DYM: variants seen among roughly 807,000 people sequenced by gnomAD.
The protein encoded by DYM is dymeclin.
In DYM, 78 loss-of-function variants were observed where a neutral mutation model predicts 93.1. That is an observed-to-expected ratio of 0.84 (90% confidence interval 0.70 to 1.01). The LOEUF (loss-of-function observed/expected upper bound fraction) is 1.01, where lower values mean the gene tolerates loss of function less well. Among genes scored for constraint, DYM ranks in the 50% least tolerant of loss-of-function variants. DYM has a pLI of 0.00. For missense variants in DYM, 789 were observed against 845.0 expected (o/e 0.93, Z 0.82); for synonymous variants, 321 against 319.7 (o/e 1.00, Z -0.04).
intron 6 of DYM, among the ~76,000 whole-genome samples, chr18:49,340,002 G>A (rs1191724909): frequency 2.0e-5 from 3 of 152,110 alleles, no homozygotes; most frequent in East Asian, 3.9e-4. Flanking sequence ...CCAGGCTGGA[G>A]TGCAGTGGCG....
chr18:49,286,851 A>G (rs536557847), intron 8 of DYM, among the ~76,000 whole-genome samples: 128 of 152,316 alleles, frequency 8.4e-4, no homozygotes, highest in Non-Finnish European at 1.6e-3. Context: ...TAGGTAACCT[A>G]AATTTTGTAA....
At chr18:49,422,859 T>C (rs1023123516) in intron 2 of DYM, among the ~76,000 whole-genome samples, 19 of 152,176 alleles carry the variant, frequency 1.2e-4, no homozygotes, top group African/African-American at 3.6e-4. Context: ...ATCCTAAATA[T>C]ATATGCACCC....
At chr18:49,344,131 G>C (rs574672066) in intron 6 of DYM, among the ~76,000 whole-genome samples, 3 of 152,098 alleles carry the variant, frequency 2.0e-5, no homozygotes, top group Non-Finnish European at 4.4e-5. Context: ...TCAAAAGTCA[G>C]TTTAAAAATA....
At chr18:49,374,957 C>CAAAAAAAAA (rs11445191) in intron 5 of DYM, among the ~76,000 whole-genome samples, 1 of 146,134 alleles carries the variant, frequency 6.8e-6, no homozygotes. Context: ...GAAACTGTCT[C>CAAAAAAAAA]AAAAAAAAAA....
At chr18:49,194,751 T>A (rs2032251) in intron 14 of DYM, among the ~76,000 whole-genome samples, 55,906 of 151,700 alleles carry the variant, frequency 0.37, 12,294 homozygotes, top group Middle Eastern at 0.59. Context: ...CACAAAAAAA[T>A]ATTTTAAAAA....
intron 1 of DYM, among the ~76,000 whole-genome samples, chr18:49,439,228 C>A (rs1160907727): frequency 6.6e-6 from 1 of 152,134 alleles, no homozygotes; most frequent in Non-Finnish European, 1.5e-5. Context: ...TTGTTGGTAA[C>A]AATGATCCTT....
intron 15 of DYM, among the ~76,000 whole-genome samples, chr18:49,148,695 T>G (rs1359482705): frequency 1.3e-5 from 2 of 152,172 alleles, no homozygotes; most frequent in Non-Finnish European, 2.9e-5. Context: ...ATCCAAAACT[T>G]TTCTGGATCA....
intron 16 of DYM, among the ~76,000 whole-genome samples, chr18:49,107,102 T>C (rs2080898090): frequency 6.6e-6 from 1 of 152,076 alleles, no homozygotes; most frequent in Non-Finnish European, 1.5e-5. Flanking sequence ...GCTTTGTTCA[T>C]TTCTTTTTAT....
intron 17 of DYM, among the ~76,000 whole-genome samples, chr18:49,067,639 C>T (rs889688259): frequency 1.3e-5 from 2 of 152,106 alleles, no homozygotes; most frequent in South Asian, 2.1e-4. Context: ...GAGGGATCAA[C>T]GTTATCCTGA....
At chr18:49,058,977 T>A (rs547211833) in intron 17 of DYM, among the ~76,000 whole-genome samples, 1 of 152,310 alleles carries the variant, frequency 6.6e-6, no homozygotes, top group South Asian at 2.1e-4. Context: ...TTGGAACTTG[T>A]ACAATGAAAA....
intron 14 of DYM, among the ~76,000 whole-genome samples, chr18:49,177,257 A>G (rs1043466556): frequency 6.6e-6 from 1 of 152,172 alleles, no homozygotes; most frequent in African/African-American, 2.4e-5. Context: ...TCCTAAGTGT[A>G]AAGAAATTTC....
chr18:49,382,424 T>C (rs535384411), intron 3 of DYM, among the ~76,000 whole-genome samples: 2 of 152,198 alleles, frequency 1.3e-5, no homozygotes, highest in Non-Finnish European at 2.9e-5. Flanking sequence ...ATACACTCAA[T>C]GATTTTAAAC....
Position 49,209,542 on chromosome 18 carries a change from G to T in DYM, c.1625+9C>A. On this transcript the variant is annotated intron_variant, in intron 14 of 17. Transcript: ENST00000675505. Reference sequence around the variant, plus strand: ...AGCATGCAGTAAATGGACAGCAGAGGTTAATAACCTGGAAGCATAGGATCT... The same window carrying T: ...AGCATGCAGTAAATGGACAGCAGAGTTTAATAACCTGGAAGCATAGGATCT... 7.8e-7 allele frequency: 1 copy of T among 1,288,748 alleles called. No homozygotes were observed. The highest frequency in any genetic ancestry group is 1.0e-6 in the Non-Finnish European group (1 of 988,300). The allele number at this position is 1,288,748 out of a possible 1,614,324, so 79.8% of individuals were successfully genotyped here.
At chr18:49,222,787 A>T (rs559947841) in intron 13 of DYM, among the ~76,000 whole-genome samples, 9 of 152,180 alleles carry the variant, frequency 5.9e-5, no homozygotes, top group Admixed American at 2.6e-4. Flanking sequence ...CAGTGGATAA[A>T]GGAAAATTCT....
intron 1 of DYM, among the ~76,000 whole-genome samples, chr18:49,452,253 G>T (rs938993255): frequency 6.6e-6 from 1 of 152,218 alleles, no homozygotes; most frequent in African/African-American, 2.4e-5. Context: ...CGCGGTGAGT[G>T]TTACAGCTCA....
At chr18:49,302,058 C>T (rs879634477) in intron 8 of DYM, among the ~76,000 whole-genome samples, 3 of 152,132 alleles carry the variant, frequency 2.0e-5, no homozygotes, top group African/African-American at 4.8e-5. Context: ...TTAAAACTTG[C>T]GTGCAAAGAA....
intron 8 of DYM, among the ~76,000 whole-genome samples, chr18:49,320,675 G>A (rs1282919098): frequency 1.3e-5 from 2 of 152,108 alleles, no homozygotes; most frequent in Non-Finnish European, 2.9e-5. Flanking sequence ...GTTTCACCAT[G>A]TTGGCCAGGC....
intron 2 of DYM, chr18:49,412,070 G>A (rs929438608): frequency 6.6e-6 from 1 of 151,956 alleles, no homozygotes; most frequent in Non-Finnish European, 1.5e-5. Flanking sequence ...CACCCATGCA[G>A]AACCAAAAAG....
intron 13 of DYM, among the ~76,000 whole-genome samples, chr18:49,253,962 G>C (rs2094339745): frequency 6.6e-6 from 1 of 151,998 alleles, no homozygotes; most frequent in Non-Finnish European, 1.5e-5. Context: ...TCTCACCTGT[G>C]ATCCCCATAG....
Sources: gnomAD v4.1 joint callset for allele counts (sites outside exome capture counted in the v4.1 genomes callset) on GRCh38, gnomAD v4.1.1 for gene constraint, MANE v1.5 for transcripts, NCBI Gene and HGNC (gene_info 2026-07-23, HGNC 2026-07-21) for gene names.